AGMO: variants seen among roughly 807,000 people sequenced by gnomAD.
AGMO encodes alkylglycerol monooxygenase.
Under a neutral mutation model 60.2 loss-of-function variants are expected in AGMO, and 75 were observed. The observed-to-expected ratio is 1.25, with a 90% confidence interval of 1.03 to 1.51. The LOEUF (loss-of-function observed/expected upper bound fraction) is 1.51. Among genes scored for constraint, AGMO ranks in the 40% most tolerant of loss-of-function variants. The probability of loss-of-function intolerance (pLI) is 0.00; values close to 1 mark genes in which losing one functional copy is unlikely to be tolerated. For synonymous variants in AGMO, 261 were observed against 177.1 expected, an observed-to-expected ratio of 1.47 and a Z score of -3.76; for missense variants, 763 against 525.5, an observed-to-expected ratio of 1.45 and a Z score of -4.42.
At chr7:15,525,714 C>T (rs2128538003) in intron 3 of AGMO, among the ~76,000 whole-genome samples, 1 of 152,242 alleles carries the variant, frequency 6.6e-6, no homozygotes, top group East Asian at 1.9e-4. Flanking sequence ...AGGGTAGCCG[C>T]CCCACTTGAT....
chr7:15,148,516 T>C, the AGMO span, among the ~76,000 whole-genome samples: 2 of 152,046 alleles, frequency 1.3e-5, no homozygotes, highest in East Asian at 3.9e-4. Context: ...CTGGAATCCA[T>C]TGTTCCTCTC....
the AGMO span, among the ~76,000 whole-genome samples, chr7:15,155,566 G>C: frequency 1.1e-4 from 17 of 150,774 alleles, no homozygotes; most frequent in Admixed American, 1.1e-3. Flanking sequence ...CCTTGGATTG[G>C]GTTTCAACCT....
At chr7:15,225,190 T>G (rs1782041242) in intron 12 of AGMO, among the ~76,000 whole-genome samples, 1 of 152,012 alleles carries the variant, frequency 6.6e-6, no homozygotes. Context: ...TTGCATAATC[T>G]TCAAAAATAA....
chr7:15,443,226 A>G (rs1583557863), intron 3 of AGMO, among the ~76,000 whole-genome samples: 1 of 152,196 alleles, frequency 6.6e-6, no homozygotes, highest in East Asian at 1.9e-4. Context: ...AGCTACTTAC[A>G]GACGGCAAAA....
chr7:15,338,574 C>T (rs902600740), intron 12 of AGMO, among the ~76,000 whole-genome samples: 1 of 152,038 alleles, frequency 6.6e-6, no homozygotes, highest in Non-Finnish European at 1.5e-5. Flanking sequence ...TACTGGGAGA[C>T]CTAGCACTGC....
chr7:15,363,474 G>A (rs1001463012), intron 12 of AGMO, among the ~76,000 whole-genome samples: 2 of 151,980 alleles, frequency 1.3e-5, no homozygotes, highest in African/African-American at 4.8e-5. Context: ...TTTTACAGAC[G>A]AGCAAAGCAA....
chr7:15,339,020 G>T (rs1456023357), intron 12 of AGMO, among the ~76,000 whole-genome samples: 1 of 152,154 alleles, frequency 6.6e-6, no homozygotes, highest in Non-Finnish European at 1.5e-5. Context: ...AAGATCTTGG[G>T]TATTGGAATC....
rs1380299480 is a variant in AGMO at position 15,366,222 on chromosome 7, C to T, written c.1075G>A (p.Ala359Thr). The stretch of plus-strand genomic sequence containing the variant: ...AGAAGGAGAGTAACTTGCGACAGTG[C>T]CTGTCAAACAAACACGGAGATCAAT... ...FYEETFADTA[A>T]LSQVTLLLRV... Residue 359 changes from alanine to threonine, a missense_variant and splice_region_variant, in exon 11 of 13, where the codon GCA becomes ACA. By Grantham distance (58) the Ala-to-Thr change is moderately conservative. Transcript: ENST00000342526. The T allele has an allele frequency of 3.7e-6, 6 of 1,600,164 alleles. No individual in the cohort carries two copies. The highest frequency in any genetic ancestry group is 2.3e-5 in the East Asian group (1 of 43,740).
At chr7:15,127,729 ATTC>A in the AGMO span, among the ~76,000 whole-genome samples, 1 of 152,146 alleles carries the variant, frequency 6.6e-6, no homozygotes, top group Non-Finnish European at 1.5e-5. Context: ...TTTAAGCAAT[ATTC>A]TTAAGTCAAT....
intron 12 of AGMO, among the ~76,000 whole-genome samples, chr7:15,326,039 T>C (rs1443631631): frequency 6.6e-6 from 1 of 152,114 alleles, no homozygotes; most frequent in Non-Finnish European, 1.5e-5. Flanking sequence ...GAGGAAATAT[T>C]CTCATTAGAA....
chr7:15,182,469 G>A, the AGMO span, among the ~76,000 whole-genome samples: 1 of 152,168 alleles, frequency 6.6e-6, no homozygotes, highest in Non-Finnish European at 1.5e-5. Context: ...AGGCTGGAGT[G>A]CAGTGGCACA....
At chr7:15,215,259 C>A (rs1781703523) in intron 12 of AGMO, among the ~76,000 whole-genome samples, 2 of 152,086 alleles carry the variant, frequency 1.3e-5, no homozygotes, top group South Asian at 2.1e-4. Flanking sequence ...GGCAATTTCA[C>A]AAGGAGGAAT....
Position 15,261,009 on chromosome 7 carries a change from CAAAAGCAGAGCT to C in AGMO, c.1264-59662_1264-59651del, listed in dbSNP as rs1309281476. ...ACCTATCAAAACCTCTGGGATACAG[CAAAAGCAGAGCT>C]AAGAGGAAGGTTTATAGCATTAAAT... On this transcript the variant is annotated intron_variant, in intron 12 of 12. Transcript: ENST00000342526. 5.3e-5 allele frequency among the ~76,000 whole-genome samples: 8 copies of C among 152,050 alleles called. No homozygotes were observed. The East Asian group carries it at 1.6e-3, about 30-fold the overall frequency.
intron 3 of AGMO, among the ~76,000 whole-genome samples, chr7:15,466,599 C>A (rs901486347): frequency 6.6e-6 from 1 of 152,044 alleles, no homozygotes; most frequent in Non-Finnish European, 1.5e-5. Flanking sequence ...GGCTTTAGGG[C>A]TAAACTACCT....
intron 12 of AGMO, among the ~76,000 whole-genome samples, chr7:15,222,220 A>AT (rs949528723): frequency 2.6e-4 from 39 of 151,948 alleles, no homozygotes; most frequent in South Asian, 6.2e-4. Context: ...CTAATAACAG[A>AT]TTTTTTTTGG....
chr7:15,358,507 A>T (rs1782631118), intron 12 of AGMO: 1 of 459,716 alleles, frequency 2.2e-6, no homozygotes, highest in African/African-American at 2.0e-5. Flanking sequence ...AGAACTGTGA[A>T]TTAGGAGGGT....
chr7:15,191,765 G>C, the AGMO span, among the ~76,000 whole-genome samples: 1 of 151,956 alleles, frequency 6.6e-6, no homozygotes, highest in Non-Finnish European at 1.5e-5. Context: ...TGCCAAGTTA[G>C]TATATTTAGA....
intron 3 of AGMO, among the ~76,000 whole-genome samples, chr7:15,516,978 C>CT (rs567346427): frequency 1.6e-3 from 230 of 148,022 alleles, no homozygotes; most frequent in Middle Eastern, 3.4e-3. Flanking sequence ...ACACAAGAGT[C>CT]TTTTTTTTTT....
rs554602606 is a variant in AGMO at position 15,452,903 on chromosome 7, T to G, written c.410-21795A>C. 3.3e-5 allele frequency among the ~76,000 whole-genome samples: 5 copies of G among 152,314 alleles called. No homozygotes were observed. In the East Asian group the frequency reaches 9.6e-4, roughly 29 times the overall value. ...GAATATTAGCAAGCCATAAAAGGAA[T>G]GAAGTGATACATGTGCAGTGTGAAT... On this transcript the variant is annotated intron_variant, in intron 3 of 12. Transcript: ENST00000342526.
Sources: allele counts gnomAD v4.1 joint callset (sites outside exome capture counted in the v4.1 genomes callset), GRCh38; gene constraint gnomAD v4.1.1; transcripts MANE v1.5; gene names NCBI Gene and HGNC (gene_info 2026-07-23, HGNC 2026-07-21).